The following AUTS2 variants were observed in gnomAD, a reference collection of about 807,000 sequenced individuals.
AUTS2 encodes the protein autism susceptibility gene 2 protein.
A neutral mutation model predicts 112.4 loss-of-function variants in AUTS2; 17 were observed. The observed-to-expected ratio is 0.15, with a 90% CI of 0.10 to 0.23. The LOEUF (loss-of-function observed/expected upper bound fraction) is 0.23. Among genes scored for constraint, AUTS2 ranks in the 10% least tolerant of loss-of-function variants. AUTS2 has a pLI of 1.00. For synonymous variants in AUTS2, 751 were observed against 702.7 expected (o/e 1.07, Z -1.09); for missense variants, 1,510 against 1,701.6 (o/e 0.89, Z 1.98).
At chr7:69,691,705 C>T (rs1042106219) in intron 1 of AUTS2, among the ~76,000 whole-genome samples, 1 of 151,688 alleles carries the variant, frequency 6.6e-6, no homozygotes, top group Admixed American at 6.6e-5. Flanking sequence ...TGCAGCTGTG[C>T]CCAGGAGTGC....
intron 1 of AUTS2, among the ~76,000 whole-genome samples, chr7:69,729,417 A>AC (rs572743703): frequency 0.032 from 1,800 of 55,902 alleles, no homozygotes; most frequent in South Asian, 0.058. Context: ...ATGTCCCCCA[A>AC]CACCCCCCCC....
intron 4 of AUTS2, among the ~76,000 whole-genome samples, chr7:70,156,891 TAAAAAAAAAAAA>T (rs781281055): frequency 0.015 from 585 of 37,882 alleles, 16 homozygotes; most frequent in African/African-American, 0.04. Context: ...CTACTAAAAG[TAAAAAAAAAAAA>T]AAAAAAAAAA....
intron 15 of AUTS2, 109 bp downstream of exon 15, chr7:70,781,865 TAC>T (rs1791108823): frequency 7.0e-7 from 1 of 1,419,126 alleles, no homozygotes; most frequent in Non-Finnish European, 9.5e-7. Context: ...CCTACAAAAA[TAC>T]AGTTAATGCC....
At chr7:69,829,397 T>A (rs1250492712) in intron 1 of AUTS2, among the ~76,000 whole-genome samples, 1 of 152,008 alleles carries the variant, frequency 6.6e-6, no homozygotes, top group Non-Finnish European at 1.5e-5. Context: ...ACAAATGGGA[T>A]CTAATTAAAC....
intron 1 of AUTS2, among the ~76,000 whole-genome samples, chr7:69,616,773 C>T (rs750998505): frequency 5.3e-5 from 8 of 152,104 alleles, no homozygotes; most frequent in African/African-American, 9.7e-5. Flanking sequence ...TTGGGTACCT[C>T]AGGGTACGCT....
chr7:70,745,709 C>G (rs1311853860), intron 6 of AUTS2, among the ~76,000 whole-genome samples: 1 of 152,124 alleles, frequency 6.6e-6, no homozygotes, highest in African/African-American at 2.4e-5. Flanking sequence ...TTTTGTTATA[C>G]AAAAATAACC....
intron 2 of AUTS2, among the ~76,000 whole-genome samples, chr7:69,969,083 A>G (rs1797743499): frequency 6.6e-6 from 1 of 152,078 alleles, no homozygotes; most frequent in Admixed American, 6.6e-5. Context: ...CTTTCCTTTG[A>G]GAAGCCGACC....
intron 1 of AUTS2, among the ~76,000 whole-genome samples, chr7:69,867,208 C>A (rs1793275725): frequency 6.6e-6 from 1 of 152,098 alleles, no homozygotes; most frequent in Non-Finnish European, 1.5e-5. Context: ...AATTCTGACT[C>A]CTTGAGTTGA....
intron 1 of AUTS2, among the ~76,000 whole-genome samples, chr7:69,875,572 G>A (rs1793693658): frequency 6.6e-6 from 1 of 152,162 alleles, no homozygotes; most frequent in South Asian, 2.1e-4. Flanking sequence ...CCTGTGGGAT[G>A]AAAATGGCTC....
intron 1 of AUTS2, among the ~76,000 whole-genome samples, chr7:69,843,134 G>A (rs1353080758): frequency 1.3e-5 from 2 of 152,098 alleles, no homozygotes; most frequent in African/African-American, 4.8e-5. Flanking sequence ...TTCAAGGATA[G>A]GATCCATACC....
intron 6 of AUTS2, among the ~76,000 whole-genome samples, chr7:70,740,898 C>T (rs980998669): frequency 6.6e-5 from 10 of 151,702 alleles, no homozygotes; most frequent in Admixed American, 4.6e-4. Context: ...GTTTGAGACC[C>T]GCCTGGGCAA....
chr7:70,377,756 G>T (rs529779660), intron 4 of AUTS2, among the ~76,000 whole-genome samples: 1 of 149,836 alleles, frequency 6.7e-6, no homozygotes, highest in Non-Finnish European at 1.5e-5. Context: ...GGCTTATTTC[G>T]CTTAGGATAA....
chr7:70,169,193 C>T (rs560346371), intron 4 of AUTS2, among the ~76,000 whole-genome samples: 57 of 151,874 alleles, frequency 3.8e-4, no homozygotes, highest in Non-Finnish European at 7.5e-4. Flanking sequence ...ATTTCAAATG[C>T]GTTATTTTTG....
rs3750174 is a variant in AUTS2 at position 70,789,802 on chromosome 7, G to A, written c.2586G>A (p.Pro862=). The part of the protein sequence containing the change: ...SSHPSPAPVL[P]VNALGHTRSS... ...ACCCTTCACCAGCACCTGTCCTCCC[G>A]GTGAATGCCCTGGGACATACCCGCA... Residue 862 remains proline, a synonymous_variant, in exon 19 of 19, where the codon CCG becomes CCA. Coordinates refer to ENST00000342771, the MANE Select transcript of AUTS2 (RefSeq NM_015570.4). 2,244 of 1,614,114 alleles carry A rather than the reference G, an allele frequency of 1.4e-3. 38 individuals carry two copies. The East Asian group carries it at 0.041, about 29-fold the overall frequency.
chr7:70,702,123 C>G (rs964512468), intron 6 of AUTS2, among the ~76,000 whole-genome samples: 1 of 152,220 alleles, frequency 6.6e-6, no homozygotes, highest in African/African-American at 2.4e-5. Flanking sequence ...ACACAATTAT[C>G]CTGCCAAGAT....
intron 5 of AUTS2, chr7:70,435,990 C>T: frequency 2.0e-6 from 1 of 493,776 alleles, no homozygotes; most frequent in Admixed American, 3.6e-5. Flanking sequence ...TTAAACAAGA[C>T]CTTTAATATT....
intron 4 of AUTS2, among the ~76,000 whole-genome samples, chr7:70,151,348 C>T (rs1270517509): frequency 6.6e-6 from 1 of 152,162 alleles, no homozygotes; most frequent in African/African-American, 2.4e-5. Context: ...TGCTGATTCT[C>T]ACCAGCAGGA....
At chr7:70,171,199 T>C (rs1219852387) in intron 4 of AUTS2, among the ~76,000 whole-genome samples, 4 of 152,224 alleles carry the variant, frequency 2.6e-5, no homozygotes, top group African/African-American at 9.6e-5. Flanking sequence ...TAGTACTCTA[T>C]TGTTCCCAAA....
intron 1 of AUTS2, among the ~76,000 whole-genome samples, chr7:69,820,075 T>C (rs1410904138): frequency 2.0e-5 from 3 of 152,228 alleles, no homozygotes; most frequent in Non-Finnish European, 4.4e-5. Context: ...TGCTTCCCTC[T>C]GCCCTTCTTC....
Sources: gnomAD v4.1 joint callset for allele counts (sites outside exome capture counted in the v4.1 genomes callset) on GRCh38, gnomAD v4.1.1 for gene constraint, MANE v1.5 for transcripts, NCBI Gene and HGNC (gene_info 2026-07-23, HGNC 2026-07-21) for gene names.